Variants in BTBD10 observed in about 807,000 individuals in gnomAD.
BTBD10 encodes the protein BTB domain containing 10.
Under a neutral mutation model 53.2 loss-of-function variants are expected in BTBD10, and 21 were observed. The observed-to-expected ratio is 0.39, with a 90% CI of 0.28 to 0.57. The LOEUF (loss-of-function observed/expected upper bound fraction) is 0.57. Among genes scored for constraint, BTBD10 ranks in the 20% least tolerant of loss-of-function variants. The pLI is 0.53. For synonymous variants in BTBD10, 149 were observed against 192.7 expected, an observed-to-expected ratio of 0.77 and a Z score of 1.88; for missense variants, 360 against 594.7, an observed-to-expected ratio of 0.61 and a Z score of 4.10.
Position 13,388,890 on chromosome 11 carries a change from T to C in BTBD10, c.1369A>G (p.Ile457Val), listed in dbSNP as rs752547786. 12 of 1,614,042 alleles carry C rather than the reference T, an allele frequency of 7.4e-6. No homozygotes were observed. Among genetic ancestry groups the C allele is most frequent in the Non-Finnish European group, 1.0e-5 (12 of 1,180,020 alleles). The change falls in exon 9 of 9, where the codon ATC becomes GTC. Residue 457 changes from isoleucine (I) to valine (V), a missense_variant. Around this residue, in one of 6 missense-constraint regions of BTBD10, gnomAD observed 25 missense variants for 24.9 expected, o/e 1.00. Coordinates refer to ENST00000278174, the MANE Select transcript of BTBD10 (RefSeq NM_032320.7). The stretch of plus-strand genomic sequence containing the variant: ...TCACTGTTGCCAGAAGGGGGATGGA[T>C]AGGGAGAATATCCAGCTCATCCACT... ...PQVDELDILP[I>V]HPPSGNSDLD...
At chr11:13,437,743 T>C (rs1950569747) in intron 2 of BTBD10, among the ~76,000 whole-genome samples, 1 of 152,208 alleles carries the variant, frequency 6.6e-6, no homozygotes, top group Admixed American at 6.5e-5. Flanking sequence ...AAACTGTTTT[T>C]CTTCAAGTCA....
At chr11:13,440,105 A>G in intron 2 of BTBD10, 1 of 1,517,562 alleles carries the variant, frequency 6.6e-7, no homozygotes, top group Non-Finnish European at 8.8e-7. Flanking sequence ...TCACCTGTCC[A>G]TAGACTTCCT....
chr11:13,450,825 T>C (rs1383489329), intron 1 of BTBD10, among the ~76,000 whole-genome samples: 8 of 152,224 alleles, frequency 5.3e-5, no homozygotes, highest in Non-Finnish European at 8.8e-5. Context: ...AAAGCAATTA[T>C]TTAAATCTAG....
chr11:13,456,278 C>T (rs952088364), intron 1 of BTBD10, among the ~76,000 whole-genome samples: 8 of 151,954 alleles, frequency 5.3e-5, no homozygotes, highest in Non-Finnish European at 1.0e-4. Flanking sequence ...GAAACAGAGC[C>T]CTAAAACATA....
At chr11:13,428,570 G>C (rs1321649025) in intron 2 of BTBD10, among the ~76,000 whole-genome samples, 1 of 151,776 alleles carries the variant, frequency 6.6e-6, no homozygotes, top group African/African-American at 2.4e-5. Context: ...TGAACTAAAA[G>C]AAAGTGGAAA....
chr11:13,406,381 A>G (rs1949828308), intron 6 of BTBD10, among the ~76,000 whole-genome samples: 1 of 152,176 alleles, frequency 6.6e-6, no homozygotes, highest in African/African-American at 2.4e-5. Context: ...CATAATGAAC[A>G]ACTTCAATTT....
intron 5 of BTBD10, among the ~76,000 whole-genome samples, chr11:13,416,373 C>A (rs1260514228): frequency 2.4e-4 from 36 of 149,460 alleles, no homozygotes; most frequent in African/African-American, 7.1e-4. Context: ...ACAACAACAA[C>A]AACAAAAAAA....
At chr11:13,389,250 CAAA>C (rs1006805521) in intron 8 of BTBD10, 109 bp from the exon 9 acceptor site, 15 of 889,096 alleles carry the variant, frequency 1.7e-5, no homozygotes, top group African/African-American at 8.5e-5. Flanking sequence ...AAATTTAAAA[CAAA>C]GAAGTGAAAA....
At chr11:13,455,044 G>A (rs1348793945) in intron 1 of BTBD10, among the ~76,000 whole-genome samples, 1 of 152,188 alleles carries the variant, frequency 6.6e-6, no homozygotes, top group African/African-American at 2.4e-5. Flanking sequence ...CCAAGTAGCT[G>A]GGATTACAGG....
At chr11:13,395,004 C>T (rs1357782245) in intron 8 of BTBD10, among the ~76,000 whole-genome samples, 22 of 150,958 alleles carry the variant, frequency 1.5e-4, no homozygotes, top group Middle Eastern at 3.4e-3. Context: ...AATAAACATA[C>T]GTGTGCATGT....
At chr11:13,444,227 C>CT (rs563326306) in intron 2 of BTBD10, among the ~76,000 whole-genome samples, 112 of 145,174 alleles carry the variant, frequency 7.7e-4, no homozygotes, top group Admixed American at 3.7e-3. Context: ...AATATTATGG[C>CT]TTTTTTTTTT....
chr11:13,394,971 T>C (rs1156257305), intron 8 of BTBD10, among the ~76,000 whole-genome samples: 1 of 151,446 alleles, frequency 6.6e-6, no homozygotes, highest in Non-Finnish European at 1.5e-5. Flanking sequence ...GTTCCAAGTC[T>C]GTGCTATTGT....
At chr11:13,389,251 A>C (rs960664804) in intron 8 of BTBD10, 110 bp from the exon 9 acceptor site, 1 of 858,164 alleles carries the variant, frequency 1.2e-6, no homozygotes, top group Admixed American at 2.8e-5. Context: ...AATTTAAAAC[A>C]AAGAAGTGAA....
rs757480505 is a variant in BTBD10, at chr11:13,391,967, AAGAC to A, written c.1118-2830_1118-2827del. ...GATAGATGGATAAATAGATAGACAGAAGACAGACAGACAGACAGACAGGGCAAGC... is the reference window on the plus strand; with the variant it reads ...GATAGATGGATAAATAGATAGACAGAAGACAGACAGACAGACAGGGCAAGC... On this transcript the variant is annotated intron_variant, in intron 8 of 8. Coordinates refer to ENST00000278174, the MANE Select transcript of BTBD10 (RefSeq NM_032320.7). Among the ~76,000 whole-genome samples, 240 of 152,258 alleles carry A rather than the reference AAGAC, an allele frequency of 1.6e-3. 1 individual carries two copies. The highest frequency in any genetic ancestry group is 4.7e-3 in the African/African-American group (197 of 41,564).
At chr11:13,449,082 T>C (rs10741619) in intron 1 of BTBD10, among the ~76,000 whole-genome samples, 118,518 of 152,000 alleles carry the variant, frequency 0.78, 47,022 homozygotes, top group Middle Eastern at 0.88. Context: ...GATGCAATTA[T>C]TTCCCCTTCT....
chr11:13,451,810 T>G (rs1041196701), intron 1 of BTBD10, among the ~76,000 whole-genome samples: 40 of 152,290 alleles, frequency 2.6e-4, no homozygotes, highest in African/African-American at 9.6e-4. Context: ...AAAGCACCTA[T>G]TATAAATATA....
chr11:13,418,971 C>CTTTTTTTTTTT (rs11423580), intron 4 of BTBD10, among the ~76,000 whole-genome samples: 1 of 125,450 alleles, frequency 8.0e-6, no homozygotes. Context: ...GTTGACATTC[C>CTTTTTTTTTTT]TTTTTTTTTT....
At chr11:13,409,073 A>G (rs1949888326) in intron 6 of BTBD10, among the ~76,000 whole-genome samples, 1 of 152,082 alleles carries the variant, frequency 6.6e-6, no homozygotes, top group African/African-American at 2.4e-5. Flanking sequence ...GCCAAAACAT[A>G]AAGGCCTTAT....
rs556165450 is a variant in BTBD10, at chr11:13,443,407, AAAAT to A, written c.101+1613_101+1616del. 2.0e-5 allele frequency among the ~76,000 whole-genome samples: 3 copies of A among 152,286 alleles called. No homozygotes were observed. The East Asian group carries it at 5.8e-4, about 29-fold the overall frequency. On this transcript the variant is annotated intron_variant, in intron 2 of 8. Transcript: ENST00000278174. ...CCCACTGTATGTATGTAGCTTTTATAAAATAATGGCTTATTTTCTCCCTTGTCAC... is the reference window on the plus strand; with the variant it reads ...CCCACTGTATGTATGTAGCTTTTATAAATGGCTTATTTTCTCCCTTGTCAC...
Sources: allele counts gnomAD v4.1 joint callset (sites outside exome capture counted in the v4.1 genomes callset), GRCh38; gene constraint gnomAD v4.1.1; regional missense constraint gnomAD v4.1.1; transcripts MANE v1.5; gene names NCBI Gene and HGNC (gene_info 2026-07-23, HGNC 2026-07-21).